CSMD1: variants seen among roughly 807,000 people sequenced by gnomAD.
CSMD1 encodes the protein CUB and sushi domain-containing protein 1.
CSMD1 carries 213 observed loss-of-function variants against 417.5 expected under a neutral mutation model. The observed-to-expected ratio is 0.51, with a 90% CI of 0.46 to 0.57. The LOEUF (loss-of-function observed/expected upper bound fraction) is 0.57. Among genes scored for constraint, CSMD1 ranks in the 20% least tolerant of loss-of-function variants. The pLI is 0.00. For missense variants in CSMD1, 6,923 were observed against 4,529.7 expected (o/e 1.53, Z -15.17); for synonymous variants, 2,862 against 1,736.8 (o/e 1.65, Z -16.11).
chr8:3,998,145 T>C, intron 4 of CSMD1, 35 bp from the exon 5 acceptor site: 1 of 1,525,410 alleles, frequency 6.6e-7, no homozygotes, highest in Non-Finnish European at 8.9e-7. Flanking sequence ...AGCATCACAT[T>C]TCAGGATGGT....
intron 1 of CSMD1, among the ~76,000 whole-genome samples, chr8:4,909,292 C>G (rs890559313): frequency 6.6e-6 from 1 of 151,146 alleles, no homozygotes; most frequent in East Asian, 2.0e-4. Context: ...AGGGCTATGA[C>G]TTTTCTGAGA....
chr8:4,671,389 G>T (rs1012820499), intron 1 of CSMD1, among the ~76,000 whole-genome samples: 8 of 152,116 alleles, frequency 5.3e-5, no homozygotes, highest in Admixed American at 1.3e-4. Context: ...GTCTGTTTGT[G>T]TAATCAACTA....
intron 7 of CSMD1, among the ~76,000 whole-genome samples, chr8:3,676,352 G>A (rs867824965): frequency 3.3e-5 from 5 of 152,076 alleles, no homozygotes; most frequent in South Asian, 2.1e-4. Context: ...GTGGCCGCCC[G>A]CCAGGCAGGA....
At chr8:4,196,091 G>C (rs1395089504) in intron 3 of CSMD1, among the ~76,000 whole-genome samples, 1 of 152,208 alleles carries the variant, frequency 6.6e-6, no homozygotes, top group Non-Finnish European at 1.5e-5. Flanking sequence ...GGCGCCTGTA[G>C]TCCCAGCTGC....
At chr8:4,786,507 T>C (rs139262022) in intron 1 of CSMD1, among the ~76,000 whole-genome samples, 6 of 152,316 alleles carry the variant, frequency 3.9e-5, no homozygotes, top group African/African-American at 1.2e-4. Context: ...GGCAATGAGA[T>C]GTAAATTGGT....
At chr8:3,927,639 T>A (rs1203228594) in intron 5 of CSMD1, among the ~76,000 whole-genome samples, 2 of 151,852 alleles carry the variant, frequency 1.3e-5, no homozygotes, top group African/African-American at 4.8e-5. Flanking sequence ...AACTCCACAC[T>A]CGGCGAAAGA....
At chr8:3,596,555 G>C (rs1030765453) in intron 8 of CSMD1, among the ~76,000 whole-genome samples, 4 of 152,142 alleles carry the variant, frequency 2.6e-5, no homozygotes, top group African/African-American at 9.7e-5. Context: ...TGGTTGATCA[G>C]TAAACAATCC....
chr8:4,834,997 GAAAGAAAGAAAGAAA>G (rs146493467), intron 1 of CSMD1, among the ~76,000 whole-genome samples: 12,132 of 98,360 alleles, frequency 0.12, 4,441 homozygotes, highest in Middle Eastern at 0.28. Context: ...AAGAAAGAAA[GAAAGAAAGAAAGAAA>G]AAAAAATCAC....
At chr8:4,020,505 C>T (rs1042289929) in intron 4 of CSMD1, among the ~76,000 whole-genome samples, 2 of 152,148 alleles carry the variant, frequency 1.3e-5, no homozygotes, top group Admixed American at 6.5e-5. Context: ...CCAGATCTCA[C>T]CTCTACTGCT....
At position 3,487,199 on chromosome 8, in the gene CSMD1, T is replaced by TTTTTA. The variant is rs1554439803; in HGVS notation, c.1448+6423_1448+6424insTAAAA. 8.9e-4 allele frequency among the ~76,000 whole-genome samples: 134 copies of TTTTTA among 150,814 alleles called. No homozygotes were observed. In the Middle Eastern group the frequency reaches 0.01, roughly 11 times the overall value. On this transcript the variant is annotated intron_variant, in intron 11 of 69. Coordinates refer to ENST00000635120, the MANE Select transcript of CSMD1 (RefSeq NM_033225.6). ...AGTGATTGATGTATTATCAGCATAC[T>TTTTTA]TTTTTATTTATTTAGTTTTTGAGAC...
At chr8:4,327,019 C>G (rs1263352955) in intron 3 of CSMD1, among the ~76,000 whole-genome samples, 1 of 152,188 alleles carries the variant, frequency 6.6e-6, no homozygotes, top group East Asian at 1.9e-4. Flanking sequence ...GAGAACCAGA[C>G]CACAGAAGGT....
At chr8:3,097,066 G>T in intron 46 of CSMD1, 29 bp from the exon 47 acceptor site, 1 of 1,479,604 alleles carries the variant, frequency 6.8e-7, no homozygotes, top group East Asian at 2.5e-5. Context: ...GCAAAAGTTT[G>T]CTTTAATAAA....
chr8:4,462,865 G>T (rs910916972), intron 2 of CSMD1, among the ~76,000 whole-genome samples: 3 of 152,038 alleles, frequency 2.0e-5, no homozygotes, highest in Non-Finnish European at 4.4e-5. Context: ...CAAACTCTTT[G>T]AAGAAAATAT....
intron 3 of CSMD1, among the ~76,000 whole-genome samples, chr8:4,222,634 A>C (rs1180393917): frequency 1.3e-5 from 2 of 152,234 alleles, no homozygotes; most frequent in African/African-American, 4.8e-5. Context: ...CTGTCATTTA[A>C]ATTTCTGAAT....
chr8:4,102,955 G>C (rs954834009), intron 3 of CSMD1, among the ~76,000 whole-genome samples: 1 of 152,112 alleles, frequency 6.6e-6, no homozygotes, highest in African/African-American at 2.4e-5. Context: ...CAAATTCCCT[G>C]ATAACTTTAA....
intron 3 of CSMD1, among the ~76,000 whole-genome samples, chr8:4,345,856 A>T (rs1416133243): frequency 6.6e-6 from 1 of 152,144 alleles, no homozygotes; most frequent in Non-Finnish European, 1.5e-5. Context: ...GAGTGTTCTG[A>T]GGTTACATGC....
intron 18 of CSMD1, among the ~76,000 whole-genome samples, chr8:3,384,638 A>G (rs1464258845): frequency 7.1e-6 from 1 of 141,304 alleles, no homozygotes; most frequent in Non-Finnish European, 1.5e-5. Context: ...CTATTTATAT[A>G]TTGCTATATA....
At chr8:3,841,935 C>T (rs192249277) in intron 5 of CSMD1, among the ~76,000 whole-genome samples, 6 of 152,174 alleles carry the variant, frequency 3.9e-5, no homozygotes, top group Admixed American at 2.6e-4. Flanking sequence ...AGCTGATCCT[C>T]CAAAAAGAAA....
intron 41 of CSMD1, among the ~76,000 whole-genome samples, chr8:3,126,404 T>C (rs1447811823): frequency 1.3e-5 from 2 of 152,032 alleles, no homozygotes; most frequent in African/African-American, 2.4e-5. Flanking sequence ...GGAATTAGGG[T>C]GAATCACTCT....
Sources: allele counts gnomAD v4.1 joint callset (sites outside exome capture counted in the v4.1 genomes callset), GRCh38; gene constraint gnomAD v4.1.1; transcripts MANE v1.5; gene names NCBI Gene and HGNC (gene_info 2026-07-23, HGNC 2026-07-21).